MAP3K1: variants seen among roughly 807,000 people sequenced by gnomAD.
MAP3K1 encodes the protein mitogen-activated protein kinase kinase kinase 1.
A neutral mutation model predicts 144.2 loss-of-function variants in MAP3K1; 36 were observed. The observed-to-expected ratio is 0.25, with a 90% CI of 0.19 to 0.33. The LOEUF is 0.33. Among genes scored for constraint, MAP3K1 ranks in the 10% least tolerant of loss-of-function variants. MAP3K1 has a pLI of 1.00. For missense variants in MAP3K1, 1,650 were observed against 1,881.9 expected, an observed-to-expected ratio of 0.88 and a Z score of 2.28; for synonymous variants, 718 against 688.7, an observed-to-expected ratio of 1.04 and a Z score of -0.67.
chr5:56,827,199 C>T (rs989163152), intron 1 of MAP3K1, among the ~76,000 whole-genome samples: 2 of 151,792 alleles, frequency 1.3e-5, no homozygotes, highest in Non-Finnish European at 2.9e-5. Flanking sequence ...AGCTGGGACA[C>T]GATTTCTGGC....
At chr5:56,867,667 C>G (rs976017117) in intron 6 of MAP3K1, among the ~76,000 whole-genome samples, 1 of 152,058 alleles carries the variant, frequency 6.6e-6, no homozygotes, top group African/African-American at 2.4e-5. Flanking sequence ...TGTGCTTGAT[C>G]GTATGTAAAG....
At chr5:56,860,036 C>T in intron 3 of MAP3K1, 121 bp downstream of exon 3, 1 of 897,130 alleles carries the variant, frequency 1.1e-6, no homozygotes, top group Non-Finnish European at 1.8e-6. Context: ...CTGCAGACCC[C>T]TGAGGATGGG....
intron 7 of MAP3K1, among the ~76,000 whole-genome samples, chr5:56,872,376 G>A (rs1163383551): frequency 6.6e-6 from 1 of 152,210 alleles, no homozygotes; most frequent in Non-Finnish European, 1.5e-5. Context: ...TCAAAGTAAG[G>A]TTTGGAAGGA....
intron 1 of MAP3K1, among the ~76,000 whole-genome samples, chr5:56,845,659 A>G (rs1170962392): frequency 2.6e-5 from 4 of 152,254 alleles, no homozygotes; most frequent in Admixed American, 2.6e-4. Context: ...TTTTAAAAAC[A>G]TCCTTCTTAC....
intron 6 of MAP3K1, among the ~76,000 whole-genome samples, chr5:56,870,350 A>G (rs1178913392): frequency 6.6e-6 from 1 of 152,208 alleles, no homozygotes; most frequent in African/African-American, 2.4e-5. Flanking sequence ...CCTTGTCTTT[A>G]TATTATAATG....
At chr5:56,858,148 ACT>A (rs1747395502) in intron 2 of MAP3K1, among the ~76,000 whole-genome samples, 2 of 152,192 alleles carry the variant, frequency 1.3e-5, no homozygotes, top group Non-Finnish European at 2.9e-5. Flanking sequence ...GCATATTACT[ACT>A]CAATCAATAT....
intron 1 of MAP3K1, among the ~76,000 whole-genome samples, chr5:56,835,416 TGACAGGAAGGCAGGGAAGAGGA>T (rs1297204184): frequency 5.1e-4 from 56 of 110,496 alleles, no homozygotes; most frequent in East Asian, 4.9e-3. Context: ...AGGGAAGAGT[TGACAGGAAGGCAGGGAAGAGGA>T]GACAGGAAGG....
At chr5:56,879,360 A>G (rs1419942266) in intron 11 of MAP3K1, among the ~76,000 whole-genome samples, 1 of 152,234 alleles carries the variant, frequency 6.6e-6, no homozygotes, top group African/African-American at 2.4e-5. Flanking sequence ...CTTTAGTAAC[A>G]TTCATAATCT....
In MAP3K1 at chr5:56,874,854, G is replaced by C. The variant is rs575068733; in HGVS notation, c.1687-178G>C. Among the ~76,000 whole-genome samples, 7 of 152,250 alleles carry C rather than the reference G, an allele frequency of 4.6e-5. No individual in the cohort carries two copies. The South Asian group carries it at 1.0e-3, about 23-fold the overall frequency. Reference sequence around the variant, plus strand: ...TTGGATAATTATCAGTTAAACTTGAGTATAAAATTCTTCCTTATGATGCTT... The same window carrying C: ...TTGGATAATTATCAGTTAAACTTGACTATAAAATTCTTCCTTATGATGCTT... On this transcript the variant is annotated intron_variant, in intron 9 of 19. Coordinates refer to ENST00000399503, the MANE Select transcript of MAP3K1 (RefSeq NM_005921.2).
At position 56,815,642 on chromosome 5, in the gene MAP3K1, G is replaced by C. The variant is rs1359462517; in HGVS notation, c.69G>C (p.Glu23Asp). The change falls in exon 1 of 20, where the codon GAG (glutamate) becomes GAC (aspartate). Residue 23 changes from glutamate (E) to aspartate (D), a missense_variant. Physicochemically the swap from Glu to Asp is conservative, Grantham distance 45 (BLOSUM62 2). Around this residue, in one of 6 missense-constraint regions of MAP3K1, gnomAD observed 360 missense variants for 274.7 expected, o/e 1.31. Transcript: ENST00000399503. ...CGGGCGCCAGGGCTACGAGCCCTGA[G>C]GCAGGCGGCGGCGGAGGAGCCCTCA... ...GFPGARATSPEAGGGGGALKA... is the reference protein window; with the variant it reads ...GFPGARATSPDAGGGGGALKA... 1 of 1,333,566 alleles carries C rather than the reference G, an allele frequency of 7.5e-7. No homozygotes were observed. The highest frequency in any genetic ancestry group is 9.6e-7 in the Non-Finnish European group (1 of 1,042,468). 82.6% of individuals were successfully genotyped at this position (1,333,566 alleles called of 1,614,324 possible).
chr5:56,886,492 G>C (rs2111959720), intron 17 of MAP3K1, among the ~76,000 whole-genome samples: 2 of 152,264 alleles, frequency 1.3e-5, no homozygotes. Context: ...GAACTGAAAT[G>C]AGCCTTAGGG....
intron 1 of MAP3K1, chr5:56,816,983 G>C: frequency 1.3e-6 from 1 of 746,548 alleles, no homozygotes; most frequent in Non-Finnish European, 1.6e-6. Context: ...CTTGGCCCGG[G>C]GACTGCGGCG....
intron 2 of MAP3K1, among the ~76,000 whole-genome samples, chr5:56,859,170 C>T (rs1218939746): frequency 3.4e-5 from 5 of 147,864 alleles, no homozygotes; most frequent in African/African-American, 1.3e-4. Flanking sequence ...ACACATCTAA[C>T]CTATTATTGT....
intron 10 of MAP3K1, among the ~76,000 whole-genome samples, chr5:56,876,383 T>G (rs1029610077): frequency 6.6e-6 from 1 of 152,130 alleles, no homozygotes; most frequent in Non-Finnish European, 1.5e-5. Context: ...TCTAGTCTGT[T>G]CTTAAAATTC....
intron 1 of MAP3K1, among the ~76,000 whole-genome samples, chr5:56,849,157 G>T (rs1054543324): frequency 6.6e-6 from 1 of 152,022 alleles, no homozygotes; most frequent in African/African-American, 2.4e-5. Context: ...AGGCCAGCCC[G>T]GACAACATGG....
At chr5:56,843,070 A>C (rs1163972592) in intron 1 of MAP3K1, among the ~76,000 whole-genome samples, 3 of 152,162 alleles carry the variant, frequency 2.0e-5, no homozygotes, top group Admixed American at 2.0e-4. Flanking sequence ...TTGTAGATGC[A>C]ACACGTTTCC....
At position 56,882,724 on chromosome 5, in the gene MAP3K1, A is replaced by T; in HGVS notation, c.3524A>T (p.Gln1175Leu). ...TACAAAGATGATGTGAATCATAATC[A>T]AAAGTGCAAAGAGAAGATGGAAGCT... ...DTYKDDVNHN[Q>L]KCKEKMEAEE... is the part of the protein sequence containing the mutation. Residue 1175 changes from glutamine to leucine, a missense_variant, in exon 14 of 20, where the codon CAA becomes CTA. Gln to Leu is a moderately radical substitution (Grantham distance 113). Coordinates refer to ENST00000399503, the MANE Select transcript of MAP3K1 (RefSeq NM_005921.2). 6.2e-7 allele frequency: 1 copy of T among 1,613,780 alleles called. No individual in the cohort carries two copies. Among genetic ancestry groups the T allele is most frequent in the Non-Finnish European group, 8.5e-7 (1 of 1,179,854 alleles).
intron 3 of MAP3K1, among the ~76,000 whole-genome samples, chr5:56,863,915 G>A (rs932990657): frequency 6.6e-6 from 1 of 152,156 alleles, no homozygotes; most frequent in Non-Finnish European, 1.5e-5. Flanking sequence ...CACCCTAGGA[G>A]CGTTTTTGTC....
At position 56,883,653 on chromosome 5, in the gene MAP3K1, A is replaced by T. The variant is rs1199506594; in HGVS notation, c.3793A>T (p.Thr1265Ser). 8.1e-6 allele frequency: 13 copies of T among 1,614,008 alleles called. No individual in the cohort carries two copies. The highest frequency in any genetic ancestry group is 1.1e-5 in the Non-Finnish European group (13 of 1,179,984). Residue 1265 changes from threonine (T) to serine (S), a missense_variant, in exon 15 of 20, where the codon ACT (threonine) becomes TCT (serine). Thr to Ser is a moderately conservative substitution (Grantham distance 58). Around this residue, in one of 6 missense-constraint regions of MAP3K1, gnomAD observed 165 missense variants for 322.9 expected, o/e 0.51. Transcript: ENST00000399503. ...SSCYQAQDVG[T>S]GTLMAVKQVT... is the part of the protein sequence containing the mutation. The stretch of plus-strand genomic sequence containing the variant: ...TTGTTATCAGGCTCAAGATGTGGGA[A>T]CTGGAACTTTAATGGCTGTTAAACA...
Sources: gnomAD v4.1 joint callset for allele counts (sites outside exome capture counted in the v4.1 genomes callset) on GRCh38, gnomAD v4.1.1 for gene constraint, gnomAD v4.1.1 regional missense constraint, MANE v1.5 for transcripts, NCBI Gene and HGNC (gene_info 2026-07-23, HGNC 2026-07-21) for gene names.